MPV17L: variants seen among roughly 807,000 people sequenced by gnomAD.
MPV17L encodes the protein MPV17 mitochondrial inner membrane protein like, also known as mpv17-like protein.
A neutral mutation model predicts 25.8 loss-of-function variants in MPV17L; 24 were observed. The ratio of observed to expected loss-of-function variants is 0.93; its 90% CI spans 0.67 to 1.31. MPV17L has a LOEUF of 1.31. MPV17L is among the 50% of genes most tolerant of loss of function. The pLI is 0.00. For missense variants in MPV17L, 250 were observed against 265.6 expected, an observed-to-expected ratio of 0.94 and a Z score of 0.41; for synonymous variants, 102 against 115.3, an observed-to-expected ratio of 0.88 and a Z score of 0.74.
At chr16:15,405,133 C>T (rs907195463) in intron 2 of MPV17L, among the ~76,000 whole-genome samples, 12 of 152,092 alleles carry the variant, frequency 7.9e-5, no homozygotes, top group African/African-American at 2.9e-4. Context: ...GCCCTAGAAT[C>T]AGCCAATTCT....
chr16:15,395,984 G>T lies in MPV17L; in HGVS notation c.87G>T (p.Ser29=). ...TGCTGCTTTACGGCTCGCTCGTCTCGGCCGGGGACGCGCTGCAACAGCGGC... is the reference window on the plus strand; with the variant it reads ...TGCTGCTTTACGGCTCGCTCGTCTCTGCCGGGGACGCGCTGCAACAGCGGC... ...TNVLLYGSLV[S]AGDALQQRLQ... The change falls in exon 1 of 4, where the codon TCG becomes TCT. Residue 29 remains serine (S), a synonymous_variant. Coordinates refer to ENST00000396385, the MANE Select transcript of MPV17L (RefSeq NM_001128423.2). 1 of 1,512,376 alleles carries T rather than the reference G, an allele frequency of 6.6e-7. No homozygotes were observed. Among genetic ancestry groups the T allele is most frequent in the South Asian group, 1.2e-5 (1 of 80,308 alleles). The allele number at this position is 1,512,376 out of a possible 1,614,324, so 93.7% of individuals were successfully genotyped here.
Position 15,408,601 on chromosome 16 carries a change from CTTTTTTTTTTT to C in MPV17L, c.*500_*510del, listed in dbSNP as rs4013478. On this transcript the variant is annotated 3_prime_UTR_variant, in exon 4 of 4. Coordinates refer to ENST00000396385, the MANE Select transcript of MPV17L (RefSeq NM_001128423.2). ...CACAATTTGTTATTTTAGTAAATAC[CTTTTTTTTTTT>C]TTTTTTTTTTGTGGTGGAGTCTTGC... is the stretch of plus-strand genomic sequence containing the variant. 2 of 106,302 alleles carry C rather than the reference CTTTTTTTTTTT, an allele frequency of 1.9e-5. No homozygotes were observed. The highest frequency in any genetic ancestry group is 3.6e-5 in the Non-Finnish European group (2 of 55,916). 6.6% of individuals were successfully genotyped at this position (106,302 alleles called of 1,614,324 possible). A position where few individuals can be genotyped will look rare whatever the true frequency, so the allele number is the denominator to read the frequency against.
At position 15,408,462 on chromosome 16, in the gene MPV17L, C is replaced by T. The variant is rs919812846; in HGVS notation, c.*350C>T. The stretch of plus-strand genomic sequence containing the variant: ...AAAATCTCAGGTTATCTCCTGAACA[C>T]TTTTGGGCAGATGAAGTTTTATACC... On this transcript the variant is annotated 3_prime_UTR_variant, in exon 4 of 4. Coordinates refer to ENST00000396385, the MANE Select transcript of MPV17L (RefSeq NM_001128423.2). 1 of 181,094 alleles carries T rather than the reference C, an allele frequency of 5.5e-6. No homozygotes were observed. Among genetic ancestry groups the T allele is most frequent in the Non-Finnish European group, 1.1e-5 (1 of 87,624 alleles). 11.2% of individuals were successfully genotyped at this position (181,094 alleles called of 1,614,324 possible). A position where few individuals can be genotyped will look rare whatever the true frequency, so the allele number is the denominator to read the frequency against.
Position 15,396,058 on chromosome 16 carries a change from T to C in MPV17L, c.161T>C (p.Leu54Ser), listed in dbSNP as rs2050577452. 3.2e-6 allele frequency: 5 copies of C among 1,542,534 alleles called. No homozygotes were observed. The highest frequency in any genetic ancestry group is 4.4e-6 in the Non-Finnish European group (5 of 1,148,002). Residue 54 changes from leucine to serine, a missense_variant, in exon 1 of 4, where the codon TTG becomes TCG. Transcript: ENST00000396385. ...CGCCAGACGCGGCGCGTGGCCACGT[T>C]GGTGGTGACCTTCCACGCCAACTTC... ...NWRQTRRVATLVVTFHANFNY... is the reference protein window; with the variant it reads ...NWRQTRRVATSVVTFHANFNY...
chr16:15,396,805 G>C (rs3867565), intron 1 of MPV17L, among the ~76,000 whole-genome samples: 1 of 152,124 alleles, frequency 6.6e-6, no homozygotes, highest in African/African-American at 2.4e-5. Context: ...CCTAGTCCTG[G>C]TTTGGTAACA....
intron 1 of MPV17L, 21 bp downstream of exon 1, chr16:15,396,228 C>T (rs530955103): frequency 3.9e-5 from 61 of 1,544,640 alleles, no homozygotes; most frequent in Non-Finnish European, 5.3e-5. Context: ...GGGAGGGGAC[C>T]TGGGGGGTGG....
rs1935229526 is a variant in MPV17L, at chr16:15,409,595, G to A, written c.*1483G>A. ...CCACCACCTATCCCCAAACCTGTAA[G>A]AACTAATGATAATCCACCACCCTTT... On this transcript the variant is annotated 3_prime_UTR_variant, in exon 4 of 4. Coordinates refer to ENST00000396385, the MANE Select transcript of MPV17L (RefSeq NM_001128423.2). The A allele has an allele frequency of 6.6e-6, 1 of 152,138 alleles. No individual in the cohort carries two copies. The highest frequency in any genetic ancestry group is 1.5e-5 in the Non-Finnish European group (1 of 68,036). 9.4% of individuals were successfully genotyped at this position (152,138 alleles called of 1,614,324 possible). A position where few individuals can be genotyped will look rare whatever the true frequency, so the allele number is the denominator to read the frequency against.
chr16:15,400,814 A>T lies in MPV17L; in HGVS notation c.338A>T (p.Asp113Val), dbSNP rs2050627788. 6.2e-7 allele frequency: 1 copy of T among 1,604,308 alleles called. No individual in the cohort carries two copies. Among genetic ancestry groups the T allele is most frequent in the South Asian group, 1.1e-5 (1 of 88,992 alleles). Reference protein sequence around the residue: ...VGMSILQGKDDIFLDLKQKFW... With the variant: ...VGMSILQGKDVIFLDLKQKFW... ...ATGAGCATTCTCCAAGGAAAGGATG[A>T]CATATTTTTGGACCTGAAACAGAAA... Residue 113 changes from aspartate to valine, a missense_variant, in exon 2 of 4, where the codon GAC (aspartate) becomes GTC (valine). Asp to Val is a radical substitution (Grantham distance 152, BLOSUM62 -3). Transcript: ENST00000396385.
At chr16:15,396,241 C>G (rs1218959304) in intron 1 of MPV17L, 34 bp downstream of exon 1, 4 of 1,542,050 alleles carry the variant, frequency 2.6e-6, no homozygotes, top group Admixed American at 3.9e-5. Context: ...GGGGGTGGGA[C>G]CCAGTATTGG....
chr16:15,396,780 A>T (rs1315991299), intron 1 of MPV17L, among the ~76,000 whole-genome samples: 1 of 152,094 alleles, frequency 6.6e-6, no homozygotes, highest in Non-Finnish European at 1.5e-5. Context: ...TCTTCAGCAA[A>T]TTCATGCCCA....
chr16:15,408,493 A>G lies in MPV17L; in HGVS notation c.*381A>G, dbSNP rs143575351. 12 of 164,642 alleles carry G rather than the reference A, an allele frequency of 7.3e-5. No homozygotes were observed. In the East Asian group the frequency reaches 1.0e-3, roughly 14 times the overall value. The allele number at this position is 164,642 out of a possible 1,614,324, so 10.2% of individuals were successfully genotyped here. On this transcript the variant is annotated 3_prime_UTR_variant, in exon 4 of 4. Coordinates refer to ENST00000396385, the MANE Select transcript of MPV17L (RefSeq NM_001128423.2). ...GGCAGATGAAGTTTTATACCAAAAA[A>G]TAGTTCTTAGAGTGAATTTTAATTT...
At chr16:15,402,094 A>C (rs1375046014) in intron 2 of MPV17L, among the ~76,000 whole-genome samples, 1 of 152,204 alleles carries the variant, frequency 6.6e-6, no homozygotes, top group East Asian at 1.9e-4. Context: ...AAAGAACTTT[A>C]ACATCACAAA....
chr16:15,398,782 C>T (rs140862293), intron 1 of MPV17L, among the ~76,000 whole-genome samples: 76 of 150,710 alleles, frequency 5.0e-4, no homozygotes, highest in African/African-American at 1.1e-3. Flanking sequence ...TTAGTAGAGA[C>T]GGGGTTTCGC....
At position 15,409,132 on chromosome 16, in the gene MPV17L, A is replaced by T. The variant is rs1226108321; in HGVS notation, c.*1020A>T. On this transcript the variant is annotated 3_prime_UTR_variant, in exon 4 of 4. Coordinates refer to ENST00000396385, the MANE Select transcript of MPV17L (RefSeq NM_001128423.2). ...AGACTCGCTCTGTCACCCAGGCTGG[A>T]GTGCAGTGGCATGATTTCGGCTCAC... The T allele has an allele frequency of 7.5e-6, 1 of 133,148 alleles. No homozygotes were observed. Among genetic ancestry groups the T allele is most frequent in the African/African-American group, 2.9e-5 (1 of 34,840 alleles). 8.2% of individuals were successfully genotyped at this position (133,148 alleles called of 1,614,324 possible).
At chr16:15,404,185 GA>G (rs2150906831) in intron 2 of MPV17L, among the ~76,000 whole-genome samples, 1 of 152,296 alleles carries the variant, frequency 6.6e-6, no homozygotes, top group African/African-American at 2.4e-5. Context: ...CAGAAGAGCT[GA>G]GTACAGTTGA....
In MPV17L at chr16:15,405,530, C is replaced by T. The variant is rs531709775; in HGVS notation, c.382-2294C>T. Among the ~76,000 whole-genome samples the T allele has an allele frequency of 1.2e-3, 178 of 150,642 alleles. 1 individual carries two copies. In the South Asian group the frequency reaches 0.014, roughly 12 times the overall value. On this transcript the variant is annotated intron_variant, in intron 2 of 3. Transcript: ENST00000396385. Reference sequence around the variant, plus strand: ...ATGGTGCAGTCTCAGCTCACTGCAACCTCTGCCTCCCGAATTCAAGCGACT... The same window carrying T: ...ATGGTGCAGTCTCAGCTCACTGCAATCTCTGCCTCCCGAATTCAAGCGACT...
rs1413242386 is a variant in MPV17L at position 15,411,276 on chromosome 16, G to C, written c.*3164G>C. 6.6e-6 allele frequency: 1 copy of C among 152,240 alleles called. No homozygotes were observed. Among genetic ancestry groups the C allele is most frequent in the Non-Finnish European group, 1.5e-5 (1 of 68,100 alleles). 9.4% of individuals were successfully genotyped at this position (152,240 alleles called of 1,614,324 possible). A position where few individuals can be genotyped will look rare whatever the true frequency, so the allele number is the denominator to read the frequency against. ...AAAACTGTACCCAAGTTAATTATAA[G>C]TACTACCTGGTGCAAAACTTTACAG... is the stretch of plus-strand genomic sequence containing the variant. On this transcript the variant is annotated 3_prime_UTR_variant, in exon 4 of 4. Transcript: ENST00000396385.
At chr16:15,405,413 T>C (rs2050671994) in intron 2 of MPV17L, among the ~76,000 whole-genome samples, 1 of 150,802 alleles carries the variant, frequency 6.6e-6, no homozygotes, top group Non-Finnish European at 1.5e-5. Context: ...CATGTTTGGA[T>C]AAGTTTAGTC....
At chr16:15,399,299 C>T in intron 1 of MPV17L, 1 of 407,476 alleles carries the variant, frequency 2.5e-6, no homozygotes, top group Middle Eastern at 3.9e-4. Context: ...CTCTTATATT[C>T]CCTCCCTCCT....
Sources: gnomAD v4.1 joint callset for allele counts (sites outside exome capture counted in the v4.1 genomes callset) on GRCh38, gnomAD v4.1.1 for gene constraint, MANE v1.5 for transcripts, NCBI Gene and HGNC (gene_info 2026-07-23, HGNC 2026-07-21) for gene names.